Variants in HAUS6 observed in about 807,000 individuals in gnomAD.
The protein encoded by HAUS6 is HAUS augmin like complex subunit 6, also known as HAUS augmin-like complex subunit 6.
In HAUS6, 80 loss-of-function variants were observed where a neutral mutation model predicts 106.8. That is an observed-to-expected ratio of 0.75 (90% CI 0.63 to 0.90). HAUS6 has a LOEUF of 0.90. Among genes scored for constraint, HAUS6 ranks in the 40% least tolerant of loss-of-function variants. HAUS6 has a pLI of 0.00. For synonymous variants in HAUS6, 356 were observed against 379.1 expected (o/e 0.94, Z 0.71); for missense variants, 1,155 against 1,118.1 (o/e 1.03, Z -0.47).
intron 14 of HAUS6, among the ~76,000 whole-genome samples, chr9:19,062,257 A>T (rs915798706): frequency 2.0e-5 from 3 of 152,202 alleles, no homozygotes; most frequent in Non-Finnish European, 2.9e-5. Flanking sequence ...AAAAGAACAA[A>T]ACCTATGCTC....
rs749144755 is a variant in HAUS6 at position 19,063,595 on chromosome 9, G to C, written c.1377-15C>G. 3.2e-6 allele frequency: 5 copies of C among 1,574,106 alleles called. No individual in the cohort carries two copies. The highest frequency in any genetic ancestry group is 4.4e-6 in the Non-Finnish European group (5 of 1,143,784). On this transcript the variant is annotated splice_polypyrimidine_tract_variant and intron_variant, in intron 12 of 16. Coordinates refer to ENST00000380502, the MANE Select transcript of HAUS6 (RefSeq NM_017645.5). ...AAGAGGCAGGGCTAAAAGGAAAAAAGACAACAAATCCAAGTTATAAGGAGA... is the reference window on the plus strand; with the variant it reads ...AAGAGGCAGGGCTAAAAGGAAAAAACACAACAAATCCAAGTTATAAGGAGA...
intron 2 of HAUS6, 45 bp from the exon 3 acceptor site, chr9:19,094,440 C>T (rs1459787767): frequency 9.3e-7 from 1 of 1,080,386 alleles, no homozygotes; most frequent in Admixed American, 2.4e-5. Flanking sequence ...ACAACAATAG[C>T]CAAAAAAAAA....
chr9:19,064,047 G>C (rs886881505), intron 12 of HAUS6, among the ~76,000 whole-genome samples: 5 of 149,572 alleles, frequency 3.3e-5, no homozygotes, highest in African/African-American at 1.2e-4. Context: ...GGCTCACCAC[G>C]ACCTCCGCCT....
rs369729854 is a variant in HAUS6, at chr9:19,061,415, G to T, written c.1630-1192C>A. ...AAATGTGTTTTTCCTTTCAAAATTA[G>T]GAAAGTAAAAAATACTAACCATCTT... On this transcript the variant is annotated intron_variant, in intron 14 of 16. Coordinates refer to ENST00000380502, the MANE Select transcript of HAUS6 (RefSeq NM_017645.5). Among the ~76,000 whole-genome samples the T allele has an allele frequency of 1.4e-4, 21 of 152,068 alleles. No individual in the cohort carries two copies. In the East Asian group the frequency reaches 3.3e-3, roughly 24 times the overall value.
At chr9:19,092,657 C>G in intron 4 of HAUS6, among the ~76,000 whole-genome samples, 1 of 143,360 alleles carries the variant, frequency 7.0e-6, no homozygotes, top group Non-Finnish European at 1.5e-5. Flanking sequence ...GGCGCATTGG[C>G]TCATACCTGT....
Position 19,070,241 on chromosome 9 carries a change from C to A in HAUS6, c.1354G>T (p.Ala452Ser). ...TACCTGTTGGCTAGATCATGTAGCG[C>A]TCCCAAGGTATCACTGTCTCCTCTG... ...GCRGDSDTLG[A>S]LHDLANSPAS... The change falls in exon 12 of 17, where the codon GCG becomes TCG. Residue 452 changes from alanine (A) to serine (S), a missense_variant. Physicochemically the swap from Ala to Ser is moderately conservative, Grantham distance 99. Transcript: ENST00000380502. 1.3e-6 allele frequency: 2 copies of A among 1,591,906 alleles called. No homozygotes were observed. Among genetic ancestry groups the A allele is most frequent in the Non-Finnish European group, 1.7e-6 (2 of 1,160,578 alleles).
intron 11 of HAUS6, among the ~76,000 whole-genome samples, chr9:19,072,335 A>G (rs1009137329): frequency 6.6e-6 from 1 of 152,162 alleles, no homozygotes; most frequent in African/African-American, 2.4e-5. Context: ...CAACATGGTG[A>G]AACCCCGTCT....
At chr9:19,070,829 A>C (rs1488799661) in intron 11 of HAUS6, among the ~76,000 whole-genome samples, 1 of 152,260 alleles carries the variant, frequency 6.6e-6, no homozygotes, top group Non-Finnish European at 1.5e-5. Flanking sequence ...ATACTTCTAC[A>C]GTATTATGAC....
At chr9:19,092,916 C>CAAAAAAAAA (rs71494998) in intron 4 of HAUS6, among the ~76,000 whole-genome samples, 4 of 76,220 alleles carry the variant, frequency 5.2e-5, no homozygotes, top group Non-Finnish European at 8.6e-5. Context: ...AACTGTGTCT[C>CAAAAAAAAA]AAAAAAAAAA....
rs527919595 is a variant in HAUS6, at chr9:19,058,473, G to C, written c.2294C>G (p.Ser765Cys). 8.2e-6 allele frequency: 13 copies of C among 1,591,382 alleles called. No homozygotes were observed. In the Admixed American group the frequency reaches 1.9e-4, roughly 23 times the overall value. ...NSFQISSGIS[S>C]KSFKDNDFGI... ...AAAATCATTATCTTTAAAACTCTTA[G>C]AACTAATTCCACTTGATATCTGAAA... The change falls in exon 16 of 17, where the codon TCT (serine) becomes TGT (cysteine). Residue 765 changes from serine to cysteine, a missense_variant. Around this residue, in one of 3 missense-constraint regions of HAUS6, gnomAD observed 380 missense variants for 394.8 expected, o/e 0.96. Transcript: ENST00000380502.
intron 9 of HAUS6, among the ~76,000 whole-genome samples, chr9:19,079,720 T>C (rs145488047): frequency 0.035 from 5,275 of 151,842 alleles, 111 homozygotes; most frequent in Non-Finnish European, 0.051. Context: ...CTGGCCAACA[T>C]GGTGAAACCC....
chr9:19,097,780 A>AT (rs148700170), intron 1 of HAUS6, among the ~76,000 whole-genome samples: 5,648 of 151,986 alleles, frequency 0.037, 111 homozygotes, highest in Non-Finnish European at 0.051. Context: ...AAAAAAAAAA[A>AT]GTGAAAACAA....
At chr9:19,101,054 TTTA>T (rs1299090306) in intron 1 of HAUS6, among the ~76,000 whole-genome samples, 1 of 152,234 alleles carries the variant, frequency 6.6e-6, no homozygotes, top group African/African-American at 2.4e-5. Flanking sequence ...TTAAAAATAA[TTTA>T]TTGTGTATTT....
chr9:19,083,581 T>A (rs1837212971), intron 7 of HAUS6, among the ~76,000 whole-genome samples: 4 of 151,940 alleles, frequency 2.6e-5, no homozygotes, highest in African/African-American at 7.3e-5. Flanking sequence ...GGCAAGCAGA[T>A]CACGAGGTCA....
intron 11 of HAUS6, among the ~76,000 whole-genome samples, chr9:19,075,148 T>C (rs1836966892): frequency 6.6e-6 from 1 of 152,208 alleles, no homozygotes; most frequent in South Asian, 2.1e-4. Flanking sequence ...AAAGTCTATA[T>C]ATGATATGAT....
chr9:19,077,176 A>C (rs2131126556), intron 10 of HAUS6, among the ~76,000 whole-genome samples: 1 of 152,308 alleles, frequency 6.6e-6, no homozygotes, highest in Admixed American at 6.5e-5. Context: ...GTACAACATT[A>C]GGAGCAAGGG....
chr9:19,063,540 T>C lies in HAUS6; in HGVS notation c.1417A>G (p.Arg473Gly). Residue 473 changes from arginine (R) to glycine (G), a missense_variant, in exon 13 of 17, where the codon AGA becomes GGA. Around this residue, in one of 3 missense-constraint regions of HAUS6, gnomAD observed 761 missense variants for 690.0 expected, o/e 1.10. Coordinates refer to ENST00000380502, the MANE Select transcript of HAUS6 (RefSeq NM_017645.5). Reference protein sequence around the residue: ...FLSQSVSSSDRNSVTVLEKDT... With the variant: ...FLSQSVSSSDGNSVTVLEKDT... The stretch of plus-strand genomic sequence containing the variant: ...TTTTCAAGTACTGTAACACTGTTTC[T>C]ATCTGATGATGAAACTGACTGCGAC... 2 of 1,600,654 alleles carry C rather than the reference T, an allele frequency of 1.2e-6. No homozygotes were observed.
In HAUS6 at chr9:19,056,014, T is replaced by C. The variant is rs1836459673; in HGVS notation, c.*329A>G. The C allele has an allele frequency of 4.2e-6, 1 of 236,052 alleles. No homozygotes were observed. Among genetic ancestry groups the C allele is most frequent in the South Asian group, 1.4e-4 (1 of 7,012 alleles). 14.6% of individuals were successfully genotyped at this position (236,052 alleles called of 1,614,324 possible). On this transcript the variant is annotated 3_prime_UTR_variant, in exon 17 of 17. Coordinates refer to ENST00000380502, the MANE Select transcript of HAUS6 (RefSeq NM_017645.5). ...CTATCCTTATATTAATTGACTGAAGTTATAACATAAGAAATAAGTTACACT... is the reference window on the plus strand; with the variant it reads ...CTATCCTTATATTAATTGACTGAAGCTATAACATAAGAAATAAGTTACACT...
rs1195629571 is a variant in HAUS6 at position 19,094,307 on chromosome 9, G to C, written c.303+10C>G. The C allele has an allele frequency of 1.3e-6, 2 of 1,513,294 alleles. No homozygotes were observed. The highest frequency in any genetic ancestry group is 3.6e-5 in the Admixed American group (2 of 56,304). 93.7% of individuals were successfully genotyped at this position (1,513,294 alleles called of 1,614,324 possible). On this transcript the variant is annotated intron_variant, in intron 3 of 16. Coordinates refer to ENST00000380502, the MANE Select transcript of HAUS6 (RefSeq NM_017645.5). ...TAAAGTCTGTATCTTCTAACAAAAA[G>C]AATACTTACAGAAATCCTTTTTATC...
Sources: gnomAD v4.1 joint callset for allele counts (sites outside exome capture counted in the v4.1 genomes callset) on GRCh38, gnomAD v4.1.1 for gene constraint, gnomAD v4.1.1 regional missense constraint, MANE v1.5 for transcripts, NCBI Gene and HGNC (gene_info 2026-07-23, HGNC 2026-07-21) for gene names.